The following BNC2 variants were observed in gnomAD, a reference collection of about 807,000 sequenced individuals.
BNC2 encodes basonuclin zinc finger protein 2.
In BNC2, 20 loss-of-function variants were observed where a neutral mutation model predicts 76.3. The observed-to-expected ratio is 0.26, with a 90% confidence interval of 0.18 to 0.38. The LOEUF (loss-of-function observed/expected upper bound fraction) is 0.38, where lower values mean the gene tolerates loss of function less well. Among genes scored for constraint, BNC2 ranks in the 10% least tolerant of loss-of-function variants. The pLI is 1.00. For synonymous variants in BNC2, 582 were observed against 514.8 expected, an observed-to-expected ratio of 1.13 and a Z score of -1.77; for missense variants, 1,382 against 1,399.8, an observed-to-expected ratio of 0.99 and a Z score of 0.20.
chr9:16,735,657 C>T (rs1244111041), intron 2 of BNC2, among the ~76,000 whole-genome samples: 6 of 151,792 alleles, frequency 4.0e-5, no homozygotes, highest in South Asian at 2.1e-4. Context: ...CCATCACCCC[C>T]GGCTAATTTT....
rs1826337692 is a variant in BNC2 at position 16,787,770 on chromosome 9, T to G, written c.4-49285A>C. On this transcript the variant is annotated intron_variant, in intron 1 of 6. Coordinates refer to ENST00000380672, the MANE Select transcript of BNC2 (RefSeq NM_017637.6). ...CTCACTTTGTTGCCCGGGCTGGTCT[T>G]GAACTTCTTGCTTCAGGTGATCCTC... Among the ~76,000 whole-genome samples, 4 of 152,260 alleles carry G rather than the reference T, an allele frequency of 2.6e-5. No individual in the cohort carries two copies. The South Asian group carries it at 6.2e-4, about 24-fold the overall frequency.
At chr9:16,547,899 A>G (rs1243115821) in intron 5 of BNC2, among the ~76,000 whole-genome samples, 2 of 152,156 alleles carry the variant, frequency 1.3e-5, no homozygotes, top group African/African-American at 4.8e-5. Context: ...ACTAATGAGT[A>G]TCATGAAGGT....
chr9:16,523,071 G>T (rs1817670430), intron 5 of BNC2, among the ~76,000 whole-genome samples: 1 of 152,180 alleles, frequency 6.6e-6, no homozygotes, highest in South Asian at 2.1e-4. Context: ...AGCAGAACTG[G>T]TGAGAGAAAA....
intron 3 of BNC2, among the ~76,000 whole-genome samples, chr9:16,685,944 G>A (rs373110395): frequency 6.6e-6 from 1 of 152,136 alleles, no homozygotes; most frequent in Non-Finnish European, 1.5e-5. Flanking sequence ...CAGAAGGAAG[G>A]AAATGCAGGG....
chr9:16,836,596 T>C (rs1331488266), intron 1 of BNC2, among the ~76,000 whole-genome samples: 1 of 152,008 alleles, frequency 6.6e-6, no homozygotes, highest in Non-Finnish European at 1.5e-5. Context: ...AGTTTGATCC[T>C]ACTCAACCAA....
intron 4 of BNC2, among the ~76,000 whole-genome samples, chr9:16,570,987 CT>C (rs1225199702): frequency 2.6e-5 from 4 of 152,088 alleles, no homozygotes; most frequent in African/African-American, 9.7e-5. Context: ...TAGAAAATTT[CT>C]AATTAGATAA....
intron 5 of BNC2, among the ~76,000 whole-genome samples, chr9:16,493,191 C>A (rs544607897): frequency 6.6e-6 from 1 of 152,122 alleles, no homozygotes; most frequent in Non-Finnish European, 1.5e-5. Context: ...TAAGCAAAAC[C>A]ACTGATCTGT....
At chr9:16,761,359 T>C (rs891312739) in intron 1 of BNC2, among the ~76,000 whole-genome samples, 1 of 152,224 alleles carries the variant, frequency 6.6e-6, no homozygotes, top group African/African-American at 2.4e-5. Flanking sequence ...GTAATTCCAC[T>C]TGTTTTACTC....
chr9:16,837,890 T>A (rs1818742658), intron 1 of BNC2, among the ~76,000 whole-genome samples: 1 of 152,004 alleles, frequency 6.6e-6, no homozygotes, highest in Non-Finnish European at 1.5e-5. Context: ...ATCATACCAT[T>A]GCACTCCAGC....
intron 1 of BNC2, among the ~76,000 whole-genome samples, chr9:16,831,331 C>T (rs1818573207): frequency 6.6e-6 from 1 of 152,186 alleles, no homozygotes; most frequent in African/African-American, 2.4e-5. Flanking sequence ...GGATGAGCTT[C>T]AATGACCATT....
intron 1 of BNC2, among the ~76,000 whole-genome samples, chr9:16,759,940 G>C (rs923056040): frequency 2.6e-5 from 4 of 152,128 alleles, no homozygotes; most frequent in African/African-American, 9.7e-5. Flanking sequence ...AGCCAGGACG[G>C]TCTGGATTTC....
rs1403348909 is a variant in BNC2 at position 16,416,022 on chromosome 9, G to A, written c.*2967C>T. 1.3e-5 allele frequency: 2 copies of A among 152,106 alleles called. No homozygotes were observed. Among genetic ancestry groups the A allele is most frequent in the African/African-American group, 2.4e-5 (1 of 41,418 alleles). The allele number at this position is 152,106 out of a possible 1,614,324, so 9.4% of individuals were successfully genotyped here. Reference sequence around the variant, plus strand: ...ATTACTTCTGGACTTTTTCTAACTGGCTATACACATTAGCTTGGTTTGCAG... The same window carrying A: ...ATTACTTCTGGACTTTTTCTAACTGACTATACACATTAGCTTGGTTTGCAG... On this transcript the variant is annotated 3_prime_UTR_variant, in exon 7 of 7. Coordinates refer to ENST00000380672, the MANE Select transcript of BNC2 (RefSeq NM_017637.6).
chr9:16,682,967 G>C (rs1822868905), intron 3 of BNC2, among the ~76,000 whole-genome samples: 1 of 152,184 alleles, frequency 6.6e-6, no homozygotes, highest in Non-Finnish European at 1.5e-5. Flanking sequence ...GGGATTCTTT[G>C]CTGCTGTTCA....
intron 4 of BNC2, among the ~76,000 whole-genome samples, chr9:16,556,345 T>C (rs1310070758): frequency 1.3e-5 from 2 of 151,950 alleles, no homozygotes; most frequent in Non-Finnish European, 2.9e-5. Context: ...CCAGCTTTGT[T>C]TGGGCCCTGA....
At chr9:16,447,452 TA>T (rs1821252730) in intron 5 of BNC2, among the ~76,000 whole-genome samples, 1 of 152,152 alleles carries the variant, frequency 6.6e-6, no homozygotes, top group Non-Finnish European at 1.5e-5. Flanking sequence ...ATTAAAATGT[TA>T]AAACCCTTTT....
At chr9:16,813,709 C>T (rs1406076733) in intron 1 of BNC2, among the ~76,000 whole-genome samples, 1 of 152,172 alleles carries the variant, frequency 6.6e-6, no homozygotes, top group African/African-American at 2.4e-5. Flanking sequence ...AAAGCAAACT[C>T]ATTTTCTTGC....
chr9:16,731,978 G>T (rs910779606), intron 2 of BNC2, among the ~76,000 whole-genome samples: 1 of 152,006 alleles, frequency 6.6e-6, no homozygotes, highest in African/African-American at 2.4e-5. Flanking sequence ...TTGCATTTCA[G>T]TTAGTGTGGG....
At position 16,720,780 on chromosome 9, in the gene BNC2, C is replaced by T. The variant is rs139535325; in HGVS notation, c.330+7017G>A. 3.1e-4 allele frequency among the ~76,000 whole-genome samples: 47 copies of T among 152,282 alleles called. No homozygotes were observed. The East Asian group carries it at 3.3e-3, about 11-fold the overall frequency. ...GAGTAATGTGTTGTTTTTCCACAAGCATTTCCATTAAAGAAAGCTCTATGA... is the reference window on the plus strand; with the variant it reads ...GAGTAATGTGTTGTTTTTCCACAAGTATTTCCATTAAAGAAAGCTCTATGA... On this transcript the variant is annotated intron_variant, in intron 3 of 6. Transcript: ENST00000380672.
chr9:16,691,973 G>C (rs768273756), intron 3 of BNC2, among the ~76,000 whole-genome samples: 1 of 151,726 alleles, frequency 6.6e-6, no homozygotes, highest in South Asian at 2.1e-4. Flanking sequence ...ACCATGCCTG[G>C]CTAATTTTTG....
Sources: gnomAD v4.1 joint callset for allele counts (sites outside exome capture counted in the v4.1 genomes callset) on GRCh38, gnomAD v4.1.1 for gene constraint, MANE v1.5 for transcripts, NCBI Gene and HGNC (gene_info 2026-07-23, HGNC 2026-07-21) for gene names.